Variants in DPH7 observed in about 807,000 individuals in gnomAD.
DPH7 encodes diphthamide biosynthesis 7.
Under a neutral mutation model 41.7 loss-of-function variants are expected in DPH7, and 44 were observed. The ratio of observed to expected loss-of-function variants is 1.05; its 90% CI spans 0.83 to 1.36. The LOEUF is 1.36. DPH7 is among the 40% of genes most tolerant of loss of function. The pLI is 0.00. For missense variants in DPH7, 629 were observed against 577.5 expected (o/e 1.09, Z -0.91); for synonymous variants, 275 against 238.0 (o/e 1.16, Z -1.43).
intron 5 of DPH7, 83 bp from the exon 6 acceptor site, chr9:137,565,237 G>A (rs1247610089): frequency 7.3e-7 from 1 of 1,361,170 alleles, no homozygotes; most frequent in African/African-American, 1.5e-5. Flanking sequence ...CTGTGAGGAA[G>A]CTCCCCGGGG....
intron 1 of DPH7, 97 bp downstream of exon 1, chr9:137,578,528 A>G (rs1268270854): frequency 1.5e-6 from 2 of 1,301,334 alleles, no homozygotes; most frequent in Middle Eastern, 2.8e-4. Context: ...CAAAGGGCCA[A>G]TATCCCCTCT....
intron 5 of DPH7, 28 bp from the exon 6 acceptor site, chr9:137,565,182 C>A (rs771272646): frequency 3.1e-6 from 5 of 1,610,740 alleles, no homozygotes; most frequent in African/African-American, 2.7e-5. Context: ...AGCATCAACA[C>A]CACTAATGAC....
chr9:137,558,700 T>C (rs1252073321), intron 8 of DPH7, among the ~76,000 whole-genome samples: 2 of 152,204 alleles, frequency 1.3e-5, no homozygotes, highest in Admixed American at 1.3e-4. Flanking sequence ...TGAAAATAAG[T>C]AGCAGTGATG....
intron 5 of DPH7, among the ~76,000 whole-genome samples, chr9:137,569,245 T>C (rs978167400): frequency 2.1e-5 from 3 of 144,954 alleles, no homozygotes; most frequent in African/African-American, 5.2e-5. Context: ...CTTCCATCCA[T>C]CTCACCATCT....
chr9:137,576,058 A>G, intron 3 of DPH7, 22 bp downstream of exon 3: 2 of 1,613,830 alleles, frequency 1.2e-6, no homozygotes, highest in Non-Finnish European at 1.7e-6. Flanking sequence ...TCTGCCCCAC[A>G]GAACAAGTGC....
intron 4 of DPH7, 24 bp downstream of exon 4, chr9:137,574,728 C>T (rs2133187996): frequency 6.2e-7 from 1 of 1,609,708 alleles, no homozygotes. Flanking sequence ...AGACTCAGGA[C>T]CCCTGACCAA....
chr9:137,565,348 G>C, intron 5 of DPH7, 194 bp from the exon 6 acceptor site: 2 of 245,940 alleles, frequency 8.1e-6, no homozygotes, highest in South Asian at 5.7e-5. Flanking sequence ...TGTCTGTGAG[G>C]AAGCTCCCCT....
In DPH7 at chr9:137,578,673, G is replaced by C. The variant is rs760908119; in HGVS notation, c.105C>G (p.Thr35=). The change falls in exon 1 of 9, where the codon ACC becomes ACG. Residue 35 remains threonine (T), a synonymous_variant. Coordinates refer to ENST00000277540, the MANE Select transcript of DPH7 (RefSeq NM_138778.5). ...QGCRHLLACG[T]YQLRRPEDRP... ...GGTCCTCCGGCCGCCGCAGCTGGTA[G>C]GTCCCGCACGCCAGCAGGTGCCTGC... is the stretch of plus-strand genomic sequence containing the variant. The C allele has an allele frequency of 6.6e-7, 1 of 1,526,600 alleles. No homozygotes were observed. Among genetic ancestry groups the C allele is most frequent in the Non-Finnish European group, 8.8e-7 (1 of 1,138,790 alleles). The allele number at this position is 1,526,600 out of a possible 1,614,324, so 94.6% of individuals were successfully genotyped here. A position where few individuals can be genotyped will look rare whatever the true frequency, so the allele number is the denominator to read the frequency against.
chr9:137,573,013 G>A (rs1840707435), intron 5 of DPH7, among the ~76,000 whole-genome samples: 1 of 152,150 alleles, frequency 6.6e-6, no homozygotes, highest in South Asian at 2.1e-4. Context: ...CCAACACCCT[G>A]GCCAACACCA....
intron 8 of DPH7, among the ~76,000 whole-genome samples, chr9:137,559,252 C>T (rs1418981208): frequency 6.6e-6 from 1 of 152,160 alleles, no homozygotes; most frequent in Admixed American, 6.5e-5. Flanking sequence ...GACAAGAGTG[C>T]GAGCCTTCTG....
At chr9:137,578,044 G>A in intron 1 of DPH7, 1 of 977,784 alleles carries the variant, frequency 1.0e-6, no homozygotes, top group Non-Finnish European at 1.2e-6. Context: ...TTGGCCGGGG[G>A]CGGTGGCTCG....
At chr9:137,560,855 CAA>C (rs35798746) in intron 8 of DPH7, among the ~76,000 whole-genome samples, 55 of 123,404 alleles carry the variant, frequency 4.5e-4, no homozygotes, top group Admixed American at 1.2e-3. Flanking sequence ...GACTCTGTCT[CAA>C]AAAAAAAAAA....
intron 8 of DPH7, among the ~76,000 whole-genome samples, chr9:137,559,340 G>C (rs1838103734): frequency 1.3e-5 from 2 of 152,200 alleles, no homozygotes; most frequent in South Asian, 4.1e-4. Flanking sequence ...CCGTTGCCAG[G>C]CGGACCATGG....
intron 5 of DPH7, among the ~76,000 whole-genome samples, chr9:137,571,238 G>A (rs571662454): frequency 8.3e-4 from 126 of 152,046 alleles, no homozygotes; most frequent in Admixed American, 3.0e-3. Flanking sequence ...CCAGGCTGGA[G>A]TGCAGTGGTG....
At chr9:137,573,660 G>C (rs1215691064) in intron 5 of DPH7, among the ~76,000 whole-genome samples, 3 of 123,606 alleles carry the variant, frequency 2.4e-5, no homozygotes, top group Non-Finnish European at 3.2e-5. Flanking sequence ...TCCAGCCTGG[G>C]CAACAGAGTG....
chr9:137,559,355 G>A (rs937645099), intron 8 of DPH7, among the ~76,000 whole-genome samples: 2 of 152,202 alleles, frequency 1.3e-5, no homozygotes, highest in East Asian at 1.9e-4. Flanking sequence ...CCATGGTCTA[G>A]CGGTAGCGAA....
chr9:137,577,278 C>A (rs1222003291), intron 2 of DPH7, among the ~76,000 whole-genome samples, 192 bp downstream of exon 2: 1 of 152,170 alleles, frequency 6.6e-6, no homozygotes, highest in South Asian at 2.1e-4. Flanking sequence ...CCCATCACTT[C>A]CCCGGCTGGA....
chr9:137,557,180 G>C (rs938752343), intron 8 of DPH7, among the ~76,000 whole-genome samples: 10 of 152,250 alleles, frequency 6.6e-5, no homozygotes, highest in African/African-American at 2.2e-4. Flanking sequence ...CTGTGACTGC[G>C]AGTGTCAGCC....
At chr9:137,574,417 T>C in intron 4 of DPH7, 37 bp from the exon 5 acceptor site, 1 of 1,602,244 alleles carries the variant, frequency 6.2e-7, no homozygotes, top group Non-Finnish European at 8.5e-7. Flanking sequence ...CCCGGCAGAA[T>C]GTTATTCGTC....
Sources: gnomAD v4.1 joint callset for allele counts (sites outside exome capture counted in the v4.1 genomes callset) on GRCh38, gnomAD v4.1.1 for gene constraint, MANE v1.5 for transcripts, NCBI Gene and HGNC (gene_info 2026-07-23, HGNC 2026-07-21) for gene names.